Variants in PHACTR3 observed in about 807,000 individuals in gnomAD.
The protein encoded by PHACTR3 is phosphatase and actin regulator 3, also known as protein phosphatase 1, regulatory subunit 123.
Under a neutral mutation model 66.8 loss-of-function variants are expected in PHACTR3, and 16 were observed. The observed-to-expected ratio is 0.24, with a 90% CI of 0.16 to 0.36. PHACTR3 has a LOEUF of 0.36. Ranked by LOEUF, PHACTR3 falls within the 10% of genes least tolerant of loss-of-function variation. PHACTR3 has a pLI of 1.00. For synonymous variants in PHACTR3, 323 were observed against 292.1 expected (o/e 1.11, Z -1.08); for missense variants, 647 against 719.9 (o/e 0.90, Z 1.16).
intron 1 of PHACTR3, among the ~76,000 whole-genome samples, chr20:59,584,081 G>C (rs540141535): frequency 6.6e-6 from 1 of 152,220 alleles, no homozygotes; most frequent in Non-Finnish European, 1.5e-5. Flanking sequence ...AAGTGAGCGC[G>C]TGGGCAAGAA....
chr20:59,828,046 T>C (rs1009380103), intron 8 of PHACTR3, among the ~76,000 whole-genome samples: 3 of 152,356 alleles, frequency 2.0e-5, no homozygotes, highest in African/African-American at 7.2e-5. Flanking sequence ...CAATGAAGAC[T>C]GGCCCCCCAT....
chr20:59,682,017 A>G (rs2036672972), intron 1 of PHACTR3, among the ~76,000 whole-genome samples: 2 of 151,810 alleles, frequency 1.3e-5, no homozygotes, highest in African/African-American at 2.4e-5. Flanking sequence ...TCTCAAAAAA[A>G]AAAAAAGAAA....
chr20:59,818,289 CT>C (rs2041940144), intron 8 of PHACTR3, among the ~76,000 whole-genome samples: 1 of 152,144 alleles, frequency 6.6e-6, no homozygotes. Context: ...ACAACAGAGC[CT>C]GTCTTTTGGG....
intron 1 of PHACTR3, among the ~76,000 whole-genome samples, chr20:59,703,850 C>G (rs575067260): frequency 1.5e-4 from 23 of 152,176 alleles, no homozygotes; most frequent in African/African-American, 5.5e-4. Flanking sequence ...GTGTGTGTGT[C>G]ACATATTTCA....
At chr20:59,659,662 C>T (rs2035746491) in intron 1 of PHACTR3, among the ~76,000 whole-genome samples, 1 of 152,156 alleles carries the variant, frequency 6.6e-6, no homozygotes, top group African/African-American at 2.4e-5. Flanking sequence ...TGAGCCACCG[C>T]AACTGGCCGG....
intron 1 of PHACTR3, among the ~76,000 whole-genome samples, chr20:59,615,820 G>A (rs1405998567): frequency 6.6e-6 from 1 of 152,318 alleles, no homozygotes; most frequent in South Asian, 2.1e-4. Context: ...TCAAAGAGAG[G>A]GAAATACACT....
intron 7 of PHACTR3, among the ~76,000 whole-genome samples, chr20:59,798,591 G>GT (rs1269198389): frequency 2.0e-5 from 3 of 152,026 alleles, no homozygotes; most frequent in East Asian, 3.9e-4. Context: ...GGTAGTTTGT[G>GT]TTTTTTCAAG....
rs536568114 is a variant in PHACTR3 at position 59,835,417 on chromosome 20, C to T, written c.1329-1088C>T. Among the ~76,000 whole-genome samples, 6 of 152,140 alleles carry T rather than the reference C, an allele frequency of 3.9e-5. No individual in the cohort carries two copies. The South Asian group carries it at 6.2e-4, about 16-fold the overall frequency. On this transcript the variant is annotated intron_variant, in intron 8 of 12. Transcript: ENST00000371015. ...TGGGGAGGGAGGAGTGGCTGAGCCCCGCAATGCCCTAGGCTTTCTGCTGGG... is the reference window on the plus strand; with the variant it reads ...TGGGGAGGGAGGAGTGGCTGAGCCCTGCAATGCCCTAGGCTTTCTGCTGGG...
intron 8 of PHACTR3, among the ~76,000 whole-genome samples, chr20:59,811,719 C>A (rs899754710): frequency 4.0e-5 from 6 of 151,778 alleles, no homozygotes; most frequent in African/African-American, 1.5e-4. Context: ...GTTGGACATC[C>A]TCAGGGGGAA....
intron 5 of PHACTR3, among the ~76,000 whole-genome samples, chr20:59,767,864 C>T (rs1170156677): frequency 2.6e-5 from 4 of 151,776 alleles, no homozygotes; most frequent in African/African-American, 4.8e-5. Flanking sequence ...TGTTCCATTC[C>T]ATTCTGTTCT....
chr20:59,724,533 G>A (rs928208738), intron 1 of PHACTR3, among the ~76,000 whole-genome samples: 1 of 152,064 alleles, frequency 6.6e-6, no homozygotes, highest in African/African-American at 2.4e-5. Flanking sequence ...GTAATACTCT[G>A]GTCTGGGCAC....
At chr20:59,833,389 C>T (rs149367544) in intron 8 of PHACTR3, among the ~76,000 whole-genome samples, 36 of 152,328 alleles carry the variant, frequency 2.4e-4, no homozygotes, top group Non-Finnish European at 3.1e-4. Context: ...GAACATGGTC[C>T]GCGATCAGCT....
At chr20:59,707,386 G>A (rs2037746020) in intron 1 of PHACTR3, among the ~76,000 whole-genome samples, 1 of 151,882 alleles carries the variant, frequency 6.6e-6, no homozygotes, top group African/African-American at 2.4e-5. Flanking sequence ...TCCCCATGGT[G>A]ATGAGTTCCT....
At chr20:59,650,563 G>A (rs2035427516) in intron 1 of PHACTR3, among the ~76,000 whole-genome samples, 1 of 151,958 alleles carries the variant, frequency 6.6e-6, no homozygotes, top group African/African-American at 2.4e-5. Flanking sequence ...CCAAAGGATG[G>A]AGACCTGCTG....
At chr20:59,781,014 G>A (rs574554193) in intron 7 of PHACTR3, among the ~76,000 whole-genome samples, 20 of 152,154 alleles carry the variant, frequency 1.3e-4, no homozygotes, top group Non-Finnish European at 1.9e-4. Context: ...GGCATCCACC[G>A]CTCATCAAAA....
intron 7 of PHACTR3, among the ~76,000 whole-genome samples, chr20:59,780,312 G>A (rs2040682109): frequency 6.6e-6 from 1 of 152,186 alleles, no homozygotes; most frequent in African/African-American, 2.4e-5. Context: ...TGTAGTCTTA[G>A]TCCCTTTGAG....
upstream of PHACTR3, among the ~76,000 whole-genome samples, chr20:59,604,132 G>A (rs2146329929): frequency 6.6e-6 from 1 of 151,248 alleles, no homozygotes; most frequent in South Asian, 2.1e-4. Flanking sequence ...AGCAGGCCCA[G>A]GCCAGGTGGT....
At chr20:59,710,199 C>T (rs989106778) in intron 1 of PHACTR3, among the ~76,000 whole-genome samples, 3 of 152,118 alleles carry the variant, frequency 2.0e-5, no homozygotes, top group African/African-American at 7.2e-5. Context: ...TCTTAACAAG[C>T]ACAAAAAGCC....
chr20:59,746,915 G>A (rs1202526963), intron 2 of PHACTR3, among the ~76,000 whole-genome samples: 1 of 152,250 alleles, frequency 6.6e-6, no homozygotes, highest in African/African-American at 2.4e-5. Flanking sequence ...AATCATCACA[G>A]CAGTGGAAAC....
Sources: allele counts gnomAD v4.1 joint callset (sites outside exome capture counted in the v4.1 genomes callset), GRCh38; gene constraint gnomAD v4.1.1; transcripts MANE v1.5; gene names NCBI Gene and HGNC (gene_info 2026-07-23, HGNC 2026-07-21).